The following TECRL variants were observed in gnomAD, a reference collection of about 807,000 sequenced individuals.
TECRL encodes the protein trans-2,3-enoyl-CoA reductase like, also known as trans-2,3-enoyl-CoA reductase-like.
A neutral mutation model predicts 52.8 loss-of-function variants in TECRL; 63 were observed. The observed-to-expected ratio is 1.19, with a 90% CI of 0.97 to 1.47. TECRL has a LOEUF of 1.47. Ranked by LOEUF, TECRL falls within the 40% of genes most tolerant of loss-of-function variation. TECRL has a pLI of 0.00. For missense variants in TECRL, 482 were observed against 429.6 expected (o/e 1.12, Z -1.08); for synonymous variants, 164 against 141.9 (o/e 1.16, Z -1.10).
At chr4:64,323,266 G>A (rs1401501719) in intron 3 of TECRL, among the ~76,000 whole-genome samples, 6 of 152,066 alleles carry the variant, frequency 3.9e-5, no homozygotes, top group African/African-American at 1.4e-4. Context: ...GCATGGTGCT[G>A]TGTGCCTGTA....
chr4:64,337,175 C>T (rs577817899), intron 2 of TECRL, among the ~76,000 whole-genome samples: 1 of 152,112 alleles, frequency 6.6e-6, no homozygotes, highest in African/African-American at 2.4e-5. Context: ...AAGACAAAAA[C>T]CACATGATTA....
At chr4:64,364,293 T>C (rs955782368) in intron 2 of TECRL, among the ~76,000 whole-genome samples, 1 of 152,072 alleles carries the variant, frequency 6.6e-6, no homozygotes. Flanking sequence ...TAGCAAAACA[T>C]CTATATTAAG....
At chr4:64,398,997 C>A (rs1348475863) in intron 1 of TECRL, among the ~76,000 whole-genome samples, 1 of 152,186 alleles carries the variant, frequency 6.6e-6, no homozygotes, top group East Asian at 1.9e-4. Flanking sequence ...GAACTTTAAA[C>A]TTGAGAATGA....
chr4:64,346,260 G>A (rs1051968245), intron 2 of TECRL, among the ~76,000 whole-genome samples: 8 of 152,136 alleles, frequency 5.3e-5, no homozygotes, highest in African/African-American at 1.9e-4. Context: ...TACCATTCTG[G>A]GATCTGGAGG....
intron 5 of TECRL, among the ~76,000 whole-genome samples, chr4:64,311,623 C>G (rs1030925565): frequency 7.9e-5 from 12 of 152,064 alleles, no homozygotes; most frequent in Non-Finnish European, 1.3e-4. Flanking sequence ...TATATTATAC[C>G]ATGAGAGCAT....
chr4:64,294,471 G>A (rs1445709121), intron 8 of TECRL, among the ~76,000 whole-genome samples: 1 of 152,030 alleles, frequency 6.6e-6, no homozygotes, highest in African/African-American at 2.4e-5. Context: ...AAGCATACTT[G>A]TATTTTCCTG....
chr4:64,335,819 T>A (rs528596823), intron 2 of TECRL, among the ~76,000 whole-genome samples: 4 of 152,334 alleles, frequency 2.6e-5, no homozygotes, highest in African/African-American at 9.6e-5. Context: ...ATATTTGTTT[T>A]CTTGATTTGC....
At chr4:64,339,356 T>A (rs903960575) in intron 2 of TECRL, among the ~76,000 whole-genome samples, 15 of 151,320 alleles carry the variant, frequency 9.9e-5, no homozygotes, top group African/African-American at 1.9e-4. Context: ...ATGAGTTAAT[T>A]GGTGCAGCAC....
At chr4:64,286,790 A>T (rs2109938071) in intron 9 of TECRL, among the ~76,000 whole-genome samples, 1 of 152,290 alleles carries the variant, frequency 6.6e-6, no homozygotes, top group Non-Finnish European at 1.5e-5. Context: ...TTACATGAAC[A>T]ATTTCAAAAT....
At chr4:64,294,056 G>A (rs1401761509) in intron 8 of TECRL, among the ~76,000 whole-genome samples, 4 of 151,236 alleles carry the variant, frequency 2.6e-5, no homozygotes, top group Admixed American at 6.6e-5. Context: ...GCATGATCTT[G>A]GCTCACTACA....
intron 1 of TECRL, among the ~76,000 whole-genome samples, chr4:64,396,786 G>C (rs1485990070): frequency 2.0e-5 from 3 of 152,188 alleles, no homozygotes; most frequent in Admixed American, 2.0e-4. Context: ...TACAGTTTTA[G>C]GTTTCACATT....
chr4:64,402,939 C>G (rs1159490389), intron 1 of TECRL, among the ~76,000 whole-genome samples: 7 of 152,070 alleles, frequency 4.6e-5, no homozygotes, highest in Non-Finnish European at 8.8e-5. Context: ...TAGTTAAACT[C>G]AATGAATATC....
intron 8 of TECRL, among the ~76,000 whole-genome samples, chr4:64,294,616 C>T (rs1007431831): frequency 6.6e-6 from 1 of 152,032 alleles, no homozygotes; most frequent in Non-Finnish European, 1.5e-5. Context: ...AAAAAAGTGT[C>T]TGATGAATCT....
intron 4 of TECRL, among the ~76,000 whole-genome samples, chr4:64,316,042 A>G (rs1401747892): frequency 6.6e-6 from 1 of 152,072 alleles, no homozygotes; most frequent in African/African-American, 2.4e-5. Context: ...ATGTGTAATG[A>G]TAGAATGCCA....
At chr4:64,345,719 A>G (rs1469637137) in intron 2 of TECRL, among the ~76,000 whole-genome samples, 1 of 151,784 alleles carries the variant, frequency 6.6e-6, no homozygotes, top group Non-Finnish European at 1.5e-5. Flanking sequence ...AAAAGAAGTT[A>G]AAGGTTTTCT....
intron 5 of TECRL, among the ~76,000 whole-genome samples, chr4:64,313,447 T>C (rs936403242): frequency 1.3e-5 from 2 of 151,144 alleles, no homozygotes; most frequent in Admixed American, 6.6e-5. Context: ...ACCACAATTA[T>C]ATAGAATACT....
intron 1 of TECRL, 25 bp downstream of exon 1, chr4:64,409,093 C>T (rs201041027): frequency 8.3e-5 from 127 of 1,538,620 alleles, no homozygotes; most frequent in East Asian, 4.5e-4. Context: ...AACAAACAAA[C>T]AAATAAATAA....
chr4:64,340,613 A>G (rs1280012014), intron 2 of TECRL, among the ~76,000 whole-genome samples: 1 of 152,210 alleles, frequency 6.6e-6, no homozygotes, highest in East Asian at 1.9e-4. Context: ...TAGGGGTACT[A>G]AGGGCAGCTT....
intron 5 of TECRL, among the ~76,000 whole-genome samples, chr4:64,313,643 G>A (rs987024695): frequency 6.7e-6 from 1 of 150,018 alleles, no homozygotes; most frequent in African/African-American, 2.4e-5. Flanking sequence ...CACCACGCCT[G>A]GCTAATTTTT....
Sources: gnomAD v4.1 joint callset for allele counts (sites outside exome capture counted in the v4.1 genomes callset) on GRCh38, gnomAD v4.1.1 for gene constraint, MANE v1.5 for transcripts, NCBI Gene and HGNC (gene_info 2026-07-23, HGNC 2026-07-21) for gene names.